RGS7: variants seen among roughly 807,000 people sequenced by gnomAD.
RGS7 encodes the protein regulator of G-protein signaling 7.
A neutral mutation model predicts 81.1 loss-of-function variants in RGS7; 27 were observed. The ratio of observed to expected loss-of-function variants is 0.33; its 90% CI spans 0.25 to 0.46. The LOEUF (loss-of-function observed/expected upper bound fraction) is 0.46, where lower values mean the gene tolerates loss of function less well. Among genes scored for constraint, RGS7 ranks in the 20% least tolerant of loss-of-function variants. The pLI is 1.00. For synonymous variants in RGS7, 208 were observed against 207.7 expected (o/e 1.00, Z -0.01); for missense variants, 396 against 607.4 (o/e 0.65, Z 3.66).
intron 2 of RGS7, among the ~76,000 whole-genome samples, chr1:241,274,466 C>G (rs1248727342): frequency 6.6e-6 from 1 of 152,170 alleles, no homozygotes; most frequent in Non-Finnish European, 1.5e-5. Flanking sequence ...GCCACTCTAA[C>G]ACAACTATGT....
At chr1:241,034,755 A>G (rs2060245762) in intron 3 of RGS7, among the ~76,000 whole-genome samples, 1 of 152,300 alleles carries the variant, frequency 6.6e-6, no homozygotes, top group African/African-American at 2.4e-5. Flanking sequence ...ATTCATTCAG[A>G]TAGAAGTTAT....
chr1:241,248,378 GTA>G (rs1558235010), intron 2 of RGS7, among the ~76,000 whole-genome samples: 1 of 145,888 alleles, frequency 6.9e-6, no homozygotes, highest in African/African-American at 2.5e-5. Flanking sequence ...GTATATATAT[GTA>G]TATATACATA....
chr1:241,221,003 G>GAGAGAGAGGAAGGAAGGA (rs2074917703), intron 2 of RGS7, among the ~76,000 whole-genome samples: 1 of 49,160 alleles, frequency 2.0e-5, no homozygotes, highest in African/African-American at 6.0e-5. Flanking sequence ...GGAAGAGAGA[G>GAGAGAGAGGAAGGAAGGA]AGAAAGGAAG....
intron 2 of RGS7, among the ~76,000 whole-genome samples, chr1:241,110,474 A>G (rs780630141): frequency 1.3e-5 from 2 of 152,332 alleles, no homozygotes; most frequent in South Asian, 4.1e-4. Flanking sequence ...AATGATATTT[A>G]GCAAACAAAA....
intron 2 of RGS7, among the ~76,000 whole-genome samples, chr1:241,202,041 CACACACAG>C (rs1284240338): frequency 6.8e-6 from 1 of 147,416 alleles, no homozygotes; most frequent in Non-Finnish European, 1.5e-5. Context: ...CACACACACA[CACACACAG>C]AGACACCCTA....
intron 2 of RGS7, among the ~76,000 whole-genome samples, chr1:241,156,899 A>G (rs2069197265): frequency 6.6e-6 from 1 of 152,050 alleles, no homozygotes; most frequent in African/African-American, 2.4e-5. Flanking sequence ...CCTCCTCACT[A>G]CTGTCTCCTC....
intron 2 of RGS7, among the ~76,000 whole-genome samples, chr1:241,183,203 C>A (rs1455847554): frequency 6.6e-6 from 1 of 152,198 alleles, no homozygotes; most frequent in East Asian, 1.9e-4. Context: ...GAACTTCGTT[C>A]ATGTGGTAAG....
At chr1:241,168,899 G>A (rs1367627710) in intron 2 of RGS7, among the ~76,000 whole-genome samples, 2 of 150,454 alleles carry the variant, frequency 1.3e-5, no homozygotes, top group African/African-American at 5.0e-5. Context: ...GACTTCTACA[G>A]CTGCAAGGAG....
chr1:241,276,313 A>C (rs1270001541), intron 2 of RGS7, among the ~76,000 whole-genome samples: 2 of 152,236 alleles, frequency 1.3e-5, no homozygotes, highest in Admixed American at 1.3e-4. Flanking sequence ...GTTCAGCCTA[A>C]ACACAATTAA....
chr1:241,126,672 CCTCCTACCTCCA>C (rs2066685459), intron 2 of RGS7, among the ~76,000 whole-genome samples: 1 of 152,184 alleles, frequency 6.6e-6, no homozygotes, highest in South Asian at 2.1e-4. Flanking sequence ...TGAGTTTACC[CCTCCTACCTCCA>C]GCCCCCCATA....
chr1:240,811,086 C>G (rs1390759390), intron 14 of RGS7, among the ~76,000 whole-genome samples: 1 of 152,056 alleles, frequency 6.6e-6, no homozygotes, highest in Non-Finnish European at 1.5e-5. Flanking sequence ...CTACTTCGTT[C>G]CAATGAAAAT....
intron 2 of RGS7, among the ~76,000 whole-genome samples, chr1:241,276,572 G>C (rs536307573): frequency 6.6e-6 from 1 of 152,288 alleles, no homozygotes; most frequent in African/African-American, 2.4e-5. Flanking sequence ...GCATACTCAA[G>C]CAACACTATG....
chr1:241,306,769 C>G (rs2080193347), intron 2 of RGS7, among the ~76,000 whole-genome samples: 1 of 151,976 alleles, frequency 6.6e-6, no homozygotes, highest in African/African-American at 2.4e-5. Context: ...ACGCACACAC[C>G]TTTACACACA....
At chr1:241,268,670 T>C (rs2148330611) in intron 2 of RGS7, among the ~76,000 whole-genome samples, 1 of 152,228 alleles carries the variant, frequency 6.6e-6, no homozygotes, top group South Asian at 2.1e-4. Flanking sequence ...CAATTTTGCC[T>C]CGTGTTATCC....
At chr1:241,087,997 CACACACACACATA>C (rs2063569170) in intron 3 of RGS7, among the ~76,000 whole-genome samples, 1 of 94,814 alleles carries the variant, frequency 1.1e-5, no homozygotes, top group African/African-American at 5.8e-5. Context: ...TATATATATA[CACACACACACATA>C]TATATATACA....
intron 18 of RGS7, among the ~76,000 whole-genome samples, chr1:240,789,931 G>A (rs12747339): frequency 0.054 from 8,177 of 152,162 alleles, 304 homozygotes; most frequent in South Asian, 0.084. Context: ...CTGGTTTTGC[G>A]GCTTGTGGGG....
At chr1:241,073,369 C>A (rs9428857) in intron 3 of RGS7, among the ~76,000 whole-genome samples, 1 of 152,066 alleles carries the variant, frequency 6.6e-6, no homozygotes, top group Admixed American at 6.6e-5. Flanking sequence ...ATGCATCCTT[C>A]TTGTATTCTT....
intron 18 of RGS7, among the ~76,000 whole-genome samples, chr1:240,799,249 T>TG (rs1558268224): frequency 1.4e-5 from 1 of 70,042 alleles, no homozygotes; most frequent in African/African-American, 4.9e-5. Context: ...GTTATTATTA[T>TG]GGTTTGTGTG....
intron 2 of RGS7, among the ~76,000 whole-genome samples, chr1:241,329,546 G>C (rs918277185): frequency 3.3e-5 from 5 of 152,112 alleles, no homozygotes; most frequent in African/African-American, 1.2e-4. Flanking sequence ...AGTTCTTCTT[G>C]TGATAATGCA....
Sources: allele counts gnomAD v4.1 joint callset (sites outside exome capture counted in the v4.1 genomes callset), GRCh38; gene constraint gnomAD v4.1.1; transcripts MANE v1.5; gene names NCBI Gene and HGNC (gene_info 2026-07-23, HGNC 2026-07-21).